Variants in PRKCA observed in about 807,000 individuals in gnomAD.
The protein encoded by PRKCA is protein kinase C alpha, also known as protein kinase C alpha type.
Under a neutral mutation model 87.0 loss-of-function variants are expected in PRKCA, and 27 were observed. The observed-to-expected ratio is 0.31, with a 90% confidence interval of 0.23 to 0.43. The LOEUF (loss-of-function observed/expected upper bound fraction) is 0.43. PRKCA is among the 20% of genes least tolerant of loss of function. The pLI is 1.00. For missense variants in PRKCA, 518 were observed against 852.3 expected, an observed-to-expected ratio of 0.61 and a Z score of 4.88; for synonymous variants, 329 against 311.1, an observed-to-expected ratio of 1.06 and a Z score of -0.61.
At chr17:66,549,141 G>GTTT (rs538579897) in intron 3 of PRKCA, among the ~76,000 whole-genome samples, 75 of 138,582 alleles carry the variant, frequency 5.4e-4, no homozygotes, top group Non-Finnish European at 7.2e-4. Context: ...GTTTATGGCA[G>GTTT]TTTTTTTTTT....
chr17:66,611,848 G>T (rs545245172), intron 3 of PRKCA, among the ~76,000 whole-genome samples: 1 of 152,242 alleles, frequency 6.6e-6, no homozygotes, highest in South Asian at 2.1e-4. Context: ...AGATCTTCTT[G>T]ATTCTAGCCA....
chr17:66,700,809 T>C (rs1973041196), intron 8 of PRKCA, among the ~76,000 whole-genome samples: 1 of 152,122 alleles, frequency 6.6e-6, no homozygotes, highest in African/African-American at 2.4e-5. Context: ...CCTAAATAAA[T>C]GGGAAGATAT....
At chr17:66,709,233 C>T (rs1185338917) in intron 8 of PRKCA, among the ~76,000 whole-genome samples, 1 of 150,780 alleles carries the variant, frequency 6.6e-6, no homozygotes, top group Admixed American at 6.6e-5. Flanking sequence ...GGGATTACCC[C>T]TATGAATCCT....
chr17:66,412,092 G>T (rs1911846042), intron 2 of PRKCA, among the ~76,000 whole-genome samples: 2 of 148,638 alleles, frequency 1.3e-5, no homozygotes, highest in African/African-American at 5.0e-5. Context: ...ATTTACTTAA[G>T]ACTGGGTCTT....
rs139658748 is a variant in PRKCA, at chr17:66,693,247, C to T, written c.918+4200C>T. Among the ~76,000 whole-genome samples the T allele has an allele frequency of 3.1e-3, 475 of 152,318 alleles. 2 individuals carry two copies. The highest frequency in any genetic ancestry group is 0.014 in the Middle Eastern group (4 of 294). On this transcript the variant is annotated intron_variant, in intron 8 of 16. Coordinates refer to ENST00000413366, the MANE Select transcript of PRKCA (RefSeq NM_002737.3). ...AGATCCTGCTAGAGCAGTTCATCCT[C>T]CTACAAGACAAAACAAACCAGAACC... is the stretch of plus-strand genomic sequence containing the variant.
At chr17:66,331,581 C>A (rs1179977862) in intron 2 of PRKCA, among the ~76,000 whole-genome samples, 9 of 152,138 alleles carry the variant, frequency 5.9e-5, no homozygotes, top group Admixed American at 5.9e-4. Context: ...TACCTAGAAC[C>A]TAAGGCCGGA....
chr17:66,456,812 T>A (rs573443613), intron 2 of PRKCA, among the ~76,000 whole-genome samples: 1 of 152,294 alleles, frequency 6.6e-6, no homozygotes, highest in South Asian at 2.1e-4. Flanking sequence ...ACTGTAGCTG[T>A]TTTGCTAAGG....
chr17:66,365,655 A>G (rs1413896088), intron 2 of PRKCA, among the ~76,000 whole-genome samples: 3 of 152,218 alleles, frequency 2.0e-5, no homozygotes, highest in African/African-American at 7.2e-5. Context: ...CGCTCAATAA[A>G]TATTTCTTAA....
intron 3 of PRKCA, among the ~76,000 whole-genome samples, chr17:66,588,508 G>A (rs754761430): frequency 6.6e-5 from 10 of 151,906 alleles, no homozygotes; most frequent in Non-Finnish European, 1.3e-4. Flanking sequence ...CTGTAAAAGG[G>A]TCTATTTGTT....
At chr17:66,406,396 C>G (rs1207993179) in intron 2 of PRKCA, among the ~76,000 whole-genome samples, 6 of 152,068 alleles carry the variant, frequency 3.9e-5, no homozygotes, top group Non-Finnish European at 8.8e-5. Flanking sequence ...TGACAACATT[C>G]CATGAACAAA....
intron 5 of PRKCA, among the ~76,000 whole-genome samples, chr17:66,679,174 C>CTTTTTT (rs10714678): frequency 1.7e-5 from 2 of 121,056 alleles, no homozygotes; most frequent in Non-Finnish European, 1.7e-5. Flanking sequence ...ACACTCACAC[C>CTTTTTT]TTTTTTTTTT....
intron 8 of PRKCA, among the ~76,000 whole-genome samples, chr17:66,702,538 A>G (rs1449051732): frequency 2.0e-5 from 3 of 152,178 alleles, no homozygotes; most frequent in Non-Finnish European, 4.4e-5. Context: ...ATGTGTTTTT[A>G]TACTAGAAAT....
intron 3 of PRKCA, among the ~76,000 whole-genome samples, chr17:66,629,404 A>T (rs918477417): frequency 2.0e-5 from 3 of 152,214 alleles, no homozygotes; most frequent in African/African-American, 7.2e-5. Flanking sequence ...TCATCACAGA[A>T]TAGCAGACAG....
chr17:66,585,719 G>T (rs1397863781), intron 3 of PRKCA, among the ~76,000 whole-genome samples: 1 of 152,186 alleles, frequency 6.6e-6, no homozygotes, highest in Non-Finnish European at 1.5e-5. Context: ...TTGAAATCCA[G>T]CTCACTGTTC....
At chr17:66,344,678 A>G (rs1907250488) in intron 2 of PRKCA, among the ~76,000 whole-genome samples, 1 of 152,220 alleles carries the variant, frequency 6.6e-6, no homozygotes. Flanking sequence ...CAGAACTGTG[A>G]TTTGAATCAA....
intron 3 of PRKCA, among the ~76,000 whole-genome samples, chr17:66,515,643 G>C (rs1966943628): frequency 6.6e-6 from 1 of 152,042 alleles, no homozygotes; most frequent in Non-Finnish European, 1.5e-5. Context: ...TCTGGGCTCA[G>C]GTGATCCTCC....
chr17:66,541,143 GCT>G (rs1322494018), intron 3 of PRKCA, among the ~76,000 whole-genome samples: 1 of 152,172 alleles, frequency 6.6e-6, no homozygotes, highest in Admixed American at 6.5e-5. Context: ...GGAAGCACGA[GCT>G]CTAGTAAGAT....
intron 3 of PRKCA, among the ~76,000 whole-genome samples, chr17:66,628,628 TA>T (rs1320998776): frequency 4.6e-5 from 7 of 152,334 alleles, no homozygotes; most frequent in African/African-American, 1.7e-4. Context: ...ACACGTGACC[TA>T]AACAATAGAA....
At chr17:66,650,287 G>A (rs1476383017) in intron 5 of PRKCA, among the ~76,000 whole-genome samples, 5 of 152,116 alleles carry the variant, frequency 3.3e-5, no homozygotes, top group African/African-American at 2.4e-5. Context: ...GGAAAGCCCC[G>A]AGCTTTGGTG....
Sources: gnomAD v4.1 joint callset for allele counts (sites outside exome capture counted in the v4.1 genomes callset) on GRCh38, gnomAD v4.1.1 for gene constraint, MANE v1.5 for transcripts, NCBI Gene and HGNC (gene_info 2026-07-23, HGNC 2026-07-21) for gene names.